The following DNAJB6 variants were observed in gnomAD, a reference collection of about 807,000 sequenced individuals.
DNAJB6 encodes the protein DnaJ heat shock protein family (Hsp40) member B6, also known as dnaJ homolog subfamily B member 6.
A neutral mutation model predicts 42.7 loss-of-function variants in DNAJB6; 16 were observed. The ratio of observed to expected loss-of-function variants is 0.37; its 90% CI spans 0.25 to 0.57. The LOEUF (loss-of-function observed/expected upper bound fraction) is 0.57. Among genes scored for constraint, DNAJB6 ranks in the 20% least tolerant of loss-of-function variants. DNAJB6 has a pLI of 0.74. For missense variants in DNAJB6, 347 were observed against 416.8 expected (o/e 0.83, Z 1.46); for synonymous variants, 170 against 163.5 (o/e 1.04, Z -0.30).
At chr7:157,378,857 C>T (rs1335085118) in intron 5 of DNAJB6, 1 of 152,146 alleles carries the variant, frequency 6.6e-6, no homozygotes, top group Non-Finnish European at 1.5e-5. Flanking sequence ...CTTGTCTGAT[C>T]TCAAGTGGCA....
At chr7:157,415,779 G>A (rs144424175) in intron 9 of DNAJB6, among the ~76,000 whole-genome samples, 40 of 152,330 alleles carry the variant, frequency 2.6e-4, no homozygotes, top group Admixed American at 7.8e-4. Flanking sequence ...GGCGGAACTC[G>A]GGTAGGTGGG....
intron 1 of DNAJB6, among the ~76,000 whole-genome samples, chr7:157,342,054 A>G (rs1462224040): frequency 3.3e-5 from 5 of 151,980 alleles, no homozygotes; most frequent in African/African-American, 1.2e-4. Context: ...TTTAGTAGAG[A>G]GTGGGTTTTG....
At chr7:157,387,503 G>A (rs781688357) in intron 8 of DNAJB6, among the ~76,000 whole-genome samples, 2 of 152,184 alleles carry the variant, frequency 1.3e-5, no homozygotes, top group Non-Finnish European at 2.9e-5. Flanking sequence ...CTTGGACTAA[G>A]GCGTTTTATA....
At chr7:157,365,211 C>T (rs1038521211) in intron 3 of DNAJB6, among the ~76,000 whole-genome samples, 6 of 152,386 alleles carry the variant, frequency 3.9e-5, no homozygotes, top group East Asian at 1.9e-4. Context: ...TCCTTGCCCA[C>T]GCAAAGTGTT....
At chr7:157,363,638 T>G (rs1024178146) in intron 3 of DNAJB6, among the ~76,000 whole-genome samples, 1 of 152,160 alleles carries the variant, frequency 6.6e-6, no homozygotes, top group African/African-American at 2.4e-5. Context: ...TCACCCCCAC[T>G]GGCTTAAACA....
intron 8 of DNAJB6, among the ~76,000 whole-genome samples, chr7:157,405,363 T>C (rs1164323965): frequency 6.6e-6 from 1 of 152,216 alleles, no homozygotes; most frequent in Non-Finnish European, 1.5e-5. Flanking sequence ...TGCGTGAGGC[T>C]GGCTTGTTCC....
chr7:157,406,879 C>G (rs573217816), intron 8 of DNAJB6, among the ~76,000 whole-genome samples: 2 of 152,360 alleles, frequency 1.3e-5, no homozygotes, highest in South Asian at 4.1e-4. Context: ...AAACCTCCCC[C>G]AGAGCAGCTC....
At chr7:157,382,886 G>T (rs1229844473) in intron 6 of DNAJB6, 2 of 152,412 alleles carry the variant, frequency 1.3e-5, no homozygotes, top group Non-Finnish European at 2.9e-5. Context: ...CAAGCTTGTA[G>T]ACTGGAGTAA....
At chr7:157,368,648 C>G (rs141753920) in intron 5 of DNAJB6, 7 of 153,118 alleles carry the variant, frequency 4.6e-5, no homozygotes, top group African/African-American at 1.7e-4. Flanking sequence ...TGTTAGCTGT[C>G]TCCTGTTAGA....
At chr7:157,360,839 GCCTT>G (rs1799548535) in intron 2 of DNAJB6, among the ~76,000 whole-genome samples, 1 of 152,150 alleles carries the variant, frequency 6.6e-6, no homozygotes, top group African/African-American at 2.4e-5. Context: ...CACACCATGG[GCCTT>G]CCTTCCTTGG....
chr7:157,365,234 G>GTTA (rs1442916257), intron 3 of DNAJB6, among the ~76,000 whole-genome samples: 5 of 152,272 alleles, frequency 3.3e-5, no homozygotes, highest in African/African-American at 1.2e-4. Flanking sequence ...GATTATAGGC[G>GTTA]TTAGCCACTG....
At chr7:157,363,389 C>T (rs139341048) in intron 3 of DNAJB6, 119 bp downstream of exon 3, 18 of 621,906 alleles carry the variant, frequency 2.9e-5, no homozygotes, top group Non-Finnish European at 4.3e-5. Flanking sequence ...TTGATGCCTA[C>T]TGGATTTTGG....
At chr7:157,398,967 A>G (rs973293801) in intron 8 of DNAJB6, among the ~76,000 whole-genome samples, 3 of 152,216 alleles carry the variant, frequency 2.0e-5, no homozygotes, top group Non-Finnish European at 4.4e-5. Flanking sequence ...TATTACATGG[A>G]AAGTTTTAAA....
At chr7:157,383,880 T>C (rs1184590581) in intron 6 of DNAJB6, among the ~76,000 whole-genome samples, 1 of 152,226 alleles carries the variant, frequency 6.6e-6, no homozygotes, top group Non-Finnish European at 1.5e-5. Flanking sequence ...ATTTTTTGTA[T>C]TTCCAATTGA....
intron 3 of DNAJB6, among the ~76,000 whole-genome samples, chr7:157,364,209 A>G (rs999498798): frequency 6.6e-6 from 1 of 150,618 alleles, no homozygotes; most frequent in African/African-American, 2.5e-5. Flanking sequence ...TCTCCAAAAA[A>G]CAAAACAAAA....
intron 8 of DNAJB6, among the ~76,000 whole-genome samples, chr7:157,396,904 G>A (rs1410644571): frequency 3.9e-5 from 6 of 152,118 alleles, no homozygotes; most frequent in African/African-American, 1.2e-4. Context: ...TGGGAAGGCC[G>A]ACGCCACAGT....
At chr7:157,351,005 G>C (rs1303926425) in intron 1 of DNAJB6, among the ~76,000 whole-genome samples, 1 of 151,692 alleles carries the variant, frequency 6.6e-6, no homozygotes, top group Non-Finnish European at 1.5e-5. Flanking sequence ...TGCAATCGCG[G>C]CTCACTGCAG....
intron 1 of DNAJB6, among the ~76,000 whole-genome samples, chr7:157,342,192 G>A (rs989406355): frequency 6.6e-6 from 1 of 151,892 alleles, no homozygotes; most frequent in Non-Finnish European, 1.5e-5. Flanking sequence ...TTTTGAGACA[G>A]GGTCTCACTC....
chr7:157,374,108 T>A (rs1800353032), intron 5 of DNAJB6, among the ~76,000 whole-genome samples: 1 of 151,538 alleles, frequency 6.6e-6, no homozygotes, highest in Non-Finnish European at 1.5e-5. Context: ...GTGTGTAATT[T>A]CACATGGTCG....
Sources: gnomAD v4.1 joint callset for allele counts (sites outside exome capture counted in the v4.1 genomes callset) on GRCh38, gnomAD v4.1.1 for gene constraint, MANE v1.5 for transcripts, NCBI Gene and HGNC (gene_info 2026-07-23, HGNC 2026-07-21) for gene names.